The following MKLN1 variants were observed in gnomAD, a reference collection of about 807,000 sequenced individuals.
MKLN1 encodes the protein muskelin.
A neutral mutation model predicts 99.0 loss-of-function variants in MKLN1; 18 were observed. The observed-to-expected ratio is 0.18, with a 90% CI of 0.13 to 0.27. MKLN1 has a LOEUF of 0.27. MKLN1 is among the 10% of genes least tolerant of loss of function. MKLN1 has a pLI of 1.00. For synonymous variants in MKLN1, 288 were observed against 293.2 expected (o/e 0.98, Z 0.18); for missense variants, 621 against 875.9 (o/e 0.71, Z 3.67).
chr7:131,309,288 C>G (rs1385474583), intron 3 of MKLN1, among the ~76,000 whole-genome samples: 2 of 152,152 alleles, frequency 1.3e-5, no homozygotes, highest in Non-Finnish European at 2.9e-5. Flanking sequence ...AAGGAAGAAG[C>G]TGAGGCAAAA....
intron 2 of MKLN1, among the ~76,000 whole-genome samples, chr7:131,378,794 C>T (rs1279169942): frequency 1.3e-5 from 2 of 151,996 alleles, no homozygotes; most frequent in African/African-American, 4.8e-5. Flanking sequence ...CATGCCACTG[C>T]ACTCCAGCCT....
chr7:131,401,501 G>A (rs181938234), intron 6 of MKLN1, among the ~76,000 whole-genome samples: 1 of 152,238 alleles, frequency 6.6e-6, no homozygotes, highest in Non-Finnish European at 1.5e-5. Context: ...GATAAGGGAA[G>A]GATAAAGTTT....
chr7:131,353,144 A>G (rs1212527698), intron 1 of MKLN1, among the ~76,000 whole-genome samples: 4 of 152,106 alleles, frequency 2.6e-5, no homozygotes, highest in Admixed American at 1.3e-4. Flanking sequence ...GAAGAGTCCA[A>G]TTGCTGGATT....
At chr7:131,357,819 CTG>C (rs1187404836) in intron 1 of MKLN1, among the ~76,000 whole-genome samples, 1 of 152,080 alleles carries the variant, frequency 6.6e-6, no homozygotes, top group Admixed American at 6.6e-5. Flanking sequence ...CTCCATAGAA[CTG>C]TTGTTCCTTT....
chr7:131,257,088 G>A (rs1797668273), intron 3 of MKLN1, among the ~76,000 whole-genome samples: 1 of 152,042 alleles, frequency 6.6e-6, no homozygotes, highest in Non-Finnish European at 1.5e-5. Context: ...ACAATGTATT[G>A]TTGGGCTTGT....
chr7:131,223,351 C>T (rs1348363068), intron 3 of MKLN1, among the ~76,000 whole-genome samples: 1 of 152,218 alleles, frequency 6.6e-6, no homozygotes, highest in African/African-American at 2.4e-5. Flanking sequence ...GTAGCCATAG[C>T]TCGGAACATC....
At chr7:131,249,944 G>A (rs1035432336) in intron 3 of MKLN1, among the ~76,000 whole-genome samples, 1 of 152,174 alleles carries the variant, frequency 6.6e-6, no homozygotes, top group Non-Finnish European at 1.5e-5. Flanking sequence ...GTCAGGGAAG[G>A]AGAGGGGCAG....
intron 3 of MKLN1, among the ~76,000 whole-genome samples, chr7:131,260,979 A>T (rs550757060): frequency 1.3e-5 from 2 of 152,236 alleles, no homozygotes; most frequent in Admixed American, 6.5e-5. Context: ...TTTATATTGT[A>T]TACAAAAATC....
At chr7:131,417,717 G>A (rs953085165) in intron 8 of MKLN1, among the ~76,000 whole-genome samples, 3 of 151,912 alleles carry the variant, frequency 2.0e-5, no homozygotes, top group Non-Finnish European at 2.9e-5. Context: ...ACCTTTTGTC[G>A]ACATTTTGAT....
chr7:131,450,839 G>A (rs1250757934), intron 12 of MKLN1, among the ~76,000 whole-genome samples: 1 of 152,136 alleles, frequency 6.6e-6, no homozygotes, highest in South Asian at 2.1e-4. Flanking sequence ...CATTGTTAAC[G>A]CAATTCTAGG....
At chr7:131,425,900 C>G (rs1339907537) in intron 8 of MKLN1, among the ~76,000 whole-genome samples, 4 of 152,034 alleles carry the variant, frequency 2.6e-5, no homozygotes, top group Non-Finnish European at 4.4e-5. Flanking sequence ...TTAAATAATA[C>G]CTTTTCTGGT....
At chr7:131,389,021 T>G (rs776143330) in intron 4 of MKLN1, 49 bp downstream of exon 4, 183 of 1,290,428 alleles carry the variant, frequency 1.4e-4, no homozygotes, top group Non-Finnish European at 1.9e-4. Flanking sequence ...ATATCATCAG[T>G]CAGCAAACTA....
At chr7:131,421,303 A>G (rs1795183682) in intron 8 of MKLN1, among the ~76,000 whole-genome samples, 1 of 152,218 alleles carries the variant, frequency 6.6e-6, no homozygotes, top group African/African-American at 2.4e-5. Context: ...TTTAGGTACC[A>G]TAGCCCTGTT....
chr7:131,473,486 G>A (rs2116653868), intron 16 of MKLN1, among the ~76,000 whole-genome samples: 1 of 152,020 alleles, frequency 6.6e-6, no homozygotes, highest in African/African-American at 2.4e-5. Flanking sequence ...CAGAACATGG[G>A]TTCTGAATTG....
At chr7:131,122,376 A>G (rs1271010481) in intron 1 of MKLN1, among the ~76,000 whole-genome samples, 1 of 152,230 alleles carries the variant, frequency 6.6e-6, no homozygotes, top group Non-Finnish European at 1.5e-5. Context: ...TGGGGCTCCC[A>G]CAGAACCATA....
At chr7:131,462,557 A>T (rs746298987) in intron 12 of MKLN1, among the ~76,000 whole-genome samples, 1 of 152,166 alleles carries the variant, frequency 6.6e-6, no homozygotes, top group South Asian at 2.1e-4. Context: ...ATTATATTGC[A>T]TACCTCTTTC....
At chr7:131,219,684 C>T (rs1797033843) in intron 3 of MKLN1, among the ~76,000 whole-genome samples, 1 of 152,030 alleles carries the variant, frequency 6.6e-6, no homozygotes, top group Non-Finnish European at 1.5e-5. Context: ...GGGTTCAGCC[C>T]AGCACAGGAG....
intron 3 of MKLN1, among the ~76,000 whole-genome samples, chr7:131,270,967 A>G (rs1797875270): frequency 6.6e-6 from 1 of 151,600 alleles, no homozygotes; most frequent in Admixed American, 6.6e-5. Context: ...TAATTCAATT[A>G]TTTATTTATT....
At chr7:131,435,453 T>G (rs1486864645) in intron 9 of MKLN1, among the ~76,000 whole-genome samples, 1 of 152,144 alleles carries the variant, frequency 6.6e-6, no homozygotes, top group East Asian at 1.9e-4. Context: ...GGATAAACAG[T>G]AGAGTTTTTT....
Sources: gnomAD v4.1 joint callset for allele counts (sites outside exome capture counted in the v4.1 genomes callset) on GRCh38, gnomAD v4.1.1 for gene constraint, MANE v1.5 for transcripts, NCBI Gene and HGNC (gene_info 2026-07-23, HGNC 2026-07-21) for gene names.